SLC24A2: variants seen among roughly 807,000 people sequenced by gnomAD.
SLC24A2 encodes the protein solute carrier family 24 member 2, also known as sodium/potassium/calcium exchanger 2.
In SLC24A2, 36 loss-of-function variants were observed where a neutral mutation model predicts 62.0. That is an observed-to-expected ratio of 0.58 (90% CI 0.44 to 0.77). The LOEUF is 0.77. SLC24A2 is among the 30% of genes least tolerant of loss of function. SLC24A2 has a pLI of 0.00. For synonymous variants in SLC24A2, 358 were observed against 294.0 expected, an observed-to-expected ratio of 1.22 and a Z score of -2.23; for missense variants, 846 against 817.9, an observed-to-expected ratio of 1.03 and a Z score of -0.42.
At chr9:19,608,841 C>G (rs1038079943) in intron 4 of SLC24A2, among the ~76,000 whole-genome samples, 14 of 152,054 alleles carry the variant, frequency 9.2e-5, no homozygotes, top group African/African-American at 1.4e-4. Context: ...TACCTAGCAC[C>G]CCTCGACAGG....
chr9:19,921,348 C>G, the SLC24A2 span, among the ~76,000 whole-genome samples: 1 of 151,472 alleles, frequency 6.6e-6, no homozygotes, highest in Non-Finnish European at 1.5e-5. Context: ...ATGGTAAAAC[C>G]CCGTCTCTAC....
chr9:19,636,284 CTCTT>C (rs1818313676), intron 2 of SLC24A2, among the ~76,000 whole-genome samples: 14 of 76,002 alleles, frequency 1.8e-4, no homozygotes, highest in African/African-American at 8.4e-4. Flanking sequence ...TTCTCTTCTT[CTCTT>C]CTTTTCTTTT....
the SLC24A2 span, among the ~76,000 whole-genome samples, chr9:20,274,591 G>A: frequency 6.6e-6 from 1 of 152,118 alleles, no homozygotes; most frequent in Non-Finnish European, 1.5e-5. Flanking sequence ...CAGGTAAAGG[G>A]AACCCTGGAA....
At chr9:19,755,435 T>C (rs2118829399) in intron 2 of SLC24A2, among the ~76,000 whole-genome samples, 1 of 152,330 alleles carries the variant, frequency 6.6e-6, no homozygotes, top group African/African-American at 2.4e-5. Context: ...GGGAGCAACC[T>C]TGAAGAACTG....
the SLC24A2 span, among the ~76,000 whole-genome samples, chr9:20,207,115 G>C: frequency 2.0e-5 from 3 of 152,088 alleles, no homozygotes; most frequent in Non-Finnish European, 2.9e-5. Flanking sequence ...GGAATAAATA[G>C]GAATGAATGA....
At chr9:19,668,322 C>G (rs36075681) in intron 2 of SLC24A2, among the ~76,000 whole-genome samples, 27,926 of 152,204 alleles carry the variant, frequency 0.18, 2,888 homozygotes, top group Non-Finnish European at 0.24. Flanking sequence ...TGCTAGTAAG[C>G]AACAGAGTCA....
the SLC24A2 span, among the ~76,000 whole-genome samples, chr9:20,268,977 C>A: frequency 1.6e-3 from 246 of 152,282 alleles, 1 homozygote; most frequent in African/African-American, 5.7e-3. Flanking sequence ...CTATGGACCC[C>A]TTTTGCAGCT....
the SLC24A2 span, among the ~76,000 whole-genome samples, chr9:19,857,589 T>C: frequency 1.3e-5 from 2 of 152,236 alleles, no homozygotes; most frequent in Admixed American, 6.5e-5. Context: ...ATTTGTTAAA[T>C]GTATTCATAA....
At chr9:20,205,556 C>A in the SLC24A2 span, among the ~76,000 whole-genome samples, 3 of 145,268 alleles carry the variant, frequency 2.1e-5, no homozygotes, top group Non-Finnish European at 4.5e-5. Context: ...GAGGCTGAGG[C>A]AGGAGATTGG....
the SLC24A2 span, among the ~76,000 whole-genome samples, chr9:20,292,176 G>C: frequency 6.6e-6 from 1 of 152,158 alleles, no homozygotes; most frequent in African/African-American, 2.4e-5. Flanking sequence ...CTTGTGCAGG[G>C]GGAAACTGAC....
intron 2 of SLC24A2, among the ~76,000 whole-genome samples, chr9:19,663,569 A>T (rs1819164731): frequency 6.6e-6 from 1 of 152,132 alleles, no homozygotes; most frequent in African/African-American, 2.4e-5. Flanking sequence ...ACAGCAGTAA[A>T]GGCCCTGGGT....
intron 8 of SLC24A2, among the ~76,000 whole-genome samples, chr9:19,528,906 C>T (rs138742717): frequency 6.6e-6 from 1 of 152,256 alleles, no homozygotes; most frequent in Non-Finnish European, 1.5e-5. Context: ...AGACTTTATG[C>T]TATCTCAGGC....
At chr9:19,572,331 CAT>C (rs1170310217) in intron 7 of SLC24A2, among the ~76,000 whole-genome samples, 1 of 148,894 alleles carries the variant, frequency 6.7e-6, no homozygotes, top group Admixed American at 6.7e-5. Context: ...AAGGTGATAA[CAT>C]ATGTTGATAT....
At chr9:19,644,970 T>A (rs1011281243) in intron 2 of SLC24A2, among the ~76,000 whole-genome samples, 1 of 152,184 alleles carries the variant, frequency 6.6e-6, no homozygotes, top group African/African-American at 2.4e-5. Flanking sequence ...CAGGCTAAAT[T>A]TGAACAGGCA....
the SLC24A2 span, among the ~76,000 whole-genome samples, chr9:20,093,303 C>T: frequency 5.3e-5 from 8 of 151,972 alleles, no homozygotes; most frequent in African/African-American, 1.2e-4. Flanking sequence ...AACTCCTGAC[C>T]TCAGATGATC....
chr9:19,625,979 G>A (rs950236666), intron 2 of SLC24A2, among the ~76,000 whole-genome samples: 2 of 151,688 alleles, frequency 1.3e-5, no homozygotes, highest in Admixed American at 6.6e-5. Context: ...GAGCCACCGC[G>A]CCCTGCTGGA....
At chr9:19,829,255 G>C in the SLC24A2 span, among the ~76,000 whole-genome samples, 1 of 152,136 alleles carries the variant, frequency 6.6e-6, no homozygotes, top group Non-Finnish European at 1.5e-5. Context: ...TCCATAGGGT[G>C]CACTTGCAAT....
the SLC24A2 span, among the ~76,000 whole-genome samples, chr9:20,188,030 T>C: frequency 6.6e-6 from 1 of 152,232 alleles, no homozygotes; most frequent in Non-Finnish European, 1.5e-5. Flanking sequence ...TGGCACATCA[T>C]AGGGCTGAAT....
At chr9:20,233,375 G>A in the SLC24A2 span, among the ~76,000 whole-genome samples, 3 of 152,114 alleles carry the variant, frequency 2.0e-5, no homozygotes, top group Non-Finnish European at 4.4e-5. Flanking sequence ...CTCTTTGTAG[G>A]TCACTCAGGA....
Sources: gnomAD v4.1 joint callset for allele counts (sites outside exome capture counted in the v4.1 genomes callset) on GRCh38, gnomAD v4.1.1 for gene constraint, MANE v1.5 for transcripts, NCBI Gene and HGNC (gene_info 2026-07-23, HGNC 2026-07-21) for gene names.